TMEM170A: variants seen among roughly 807,000 people sequenced by gnomAD.
The protein encoded by TMEM170A is transmembrane protein 170A.
TMEM170A carries 18 observed loss-of-function variants against 12.8 expected under a neutral mutation model. That is an observed-to-expected ratio of 1.41 (90% CI 0.97 to 2.09). The LOEUF (loss-of-function observed/expected upper bound fraction) is 2.09, where lower values mean the gene tolerates loss of function less well. TMEM170A is among the 30% of genes most tolerant of loss of function. The pLI, the probability that TMEM170A is intolerant of heterozygous loss-of-function variation, is 0.00. For synonymous variants in TMEM170A, 107 were observed against 76.2 expected (o/e 1.40, Z -2.11); for missense variants, 220 against 179.9 (o/e 1.22, Z -1.28).
At chr16:75,458,875 A>G (rs1294902058) in intron 1 of TMEM170A, 1 of 152,150 alleles carries the variant, frequency 6.6e-6, no homozygotes, top group Non-Finnish European at 1.5e-5. Flanking sequence ...CCTTGAGGAT[A>G]TATTTTTACA....
rs1443576727 is a variant in TMEM170A, at chr16:75,445,355, G to C, written c.*2203C>G. On this transcript the variant is annotated 3_prime_UTR_variant, in exon 3 of 3. Coordinates refer to ENST00000561878, the MANE Select transcript of TMEM170A (RefSeq NM_145254.3). ...GACAGGGTCTTGCCCTGTGGCCTAA[G>C]CTGGAGTTCAGTGGCGTGGTCTCGG... 2.6e-5 allele frequency: 4 copies of C among 152,354 alleles called. No individual in the cohort carries two copies. The highest frequency in any genetic ancestry group is 2.6e-4 in the Admixed American group (4 of 15,292). The allele number at this position is 152,354 out of a possible 1,614,324, so 9.4% of individuals were successfully genotyped here. A position where few individuals can be genotyped will look rare whatever the true frequency, so the allele number is the denominator to read the frequency against.
chr16:75,454,793 C>T (rs1243690864), intron 1 of TMEM170A, among the ~76,000 whole-genome samples: 1 of 152,166 alleles, frequency 6.6e-6, no homozygotes, highest in Non-Finnish European at 1.5e-5. Flanking sequence ...ACAGGCCCCA[C>T]CTGACACTCC....
intron 1 of TMEM170A, among the ~76,000 whole-genome samples, chr16:75,454,959 T>C (rs917198527): frequency 3.3e-5 from 5 of 152,160 alleles, no homozygotes; most frequent in East Asian, 1.9e-4. Flanking sequence ...CCCAACAGCA[T>C]TGTCCATAAT....
intron 1 of TMEM170A, among the ~76,000 whole-genome samples, chr16:75,455,307 A>C (rs984628862): frequency 6.7e-6 from 1 of 148,202 alleles, no homozygotes; most frequent in Non-Finnish European, 1.5e-5. Context: ...CAGTGAGCCG[A>C]GATCACGCCA....
chr16:75,459,848 C>G, intron 1 of TMEM170A: 1 of 151,204 alleles, frequency 6.6e-6, no homozygotes, highest in Non-Finnish European at 1.5e-5. Flanking sequence ...CAGAGCGAAA[C>G]TCCATCTCAA....
chr16:75,451,324 C>A, intron 2 of TMEM170A: 3 of 363,108 alleles, frequency 8.3e-6, no homozygotes, highest in East Asian at 1.0e-4. Context: ...CCAAGGTGGG[C>A]AGATTGCTTG....
chr16:75,462,529 G>A (rs1475622460), intron 1 of TMEM170A, among the ~76,000 whole-genome samples: 1 of 152,250 alleles, frequency 6.6e-6, no homozygotes. Flanking sequence ...GTCTCTTGAT[G>A]TGATGTACTG....
chr16:75,451,536 G>T, intron 2 of TMEM170A, 133 bp downstream of exon 2: 1 of 920,508 alleles, frequency 1.1e-6, no homozygotes. Context: ...GGTGACATAG[G>T]GAGACCCTGT....
intron 1 of TMEM170A, among the ~76,000 whole-genome samples, chr16:75,453,677 T>C (rs867602472): frequency 6.6e-6 from 1 of 152,166 alleles, no homozygotes; most frequent in Non-Finnish European, 1.5e-5. Flanking sequence ...CTTTAGGATA[T>C]GAAATAAATA....
intron 2 of TMEM170A, chr16:75,451,331 C>T (rs2079677397): frequency 5.2e-6 from 2 of 382,484 alleles, no homozygotes; most frequent in South Asian, 8.0e-5. Context: ...GGGCAGATTG[C>T]TTGAGCTCAG....
At position 75,455,653 on chromosome 16, in the gene TMEM170A, A is replaced by G. The variant is rs1054588310; in HGVS notation, c.134-3814T>C. On this transcript the variant is annotated intron_variant, in intron 1 of 2. Transcript: ENST00000561878. ...CACTGTCTCTCCTAAAAATACGTAA[A>G]AATTAGCCGGGCGTGGTGGCAAATG... is the stretch of plus-strand genomic sequence containing the variant. Among the ~76,000 whole-genome samples the G allele has an allele frequency of 7.2e-5, 11 of 152,148 alleles. No homozygotes were observed. The South Asian group carries it at 1.9e-3, about 26-fold the overall frequency.
chr16:75,449,895 A>C (rs1380059060), intron 2 of TMEM170A, among the ~76,000 whole-genome samples: 1 of 152,210 alleles, frequency 6.6e-6, no homozygotes, highest in Non-Finnish European at 1.5e-5. Flanking sequence ...AGAAAGGAAA[A>C]AGTATATCCA....
At chr16:75,464,431 C>T (rs1298667084) in intron 1 of TMEM170A, 37 bp downstream of exon 1, 1 of 1,402,590 alleles carries the variant, frequency 7.1e-7, no homozygotes, top group South Asian at 1.6e-5. Flanking sequence ...GCGGCGACGG[C>T]GGGGCGCGCA....
At chr16:75,448,763 CAA>C (rs756119851) in intron 2 of TMEM170A, among the ~76,000 whole-genome samples, 2 of 137,398 alleles carry the variant, frequency 1.5e-5, no homozygotes. Flanking sequence ...GATCCTGTCT[CAA>C]AAAAAAAAAG....
At position 75,447,576 on chromosome 16, in the gene TMEM170A, C is replaced by A. The variant is rs774894220; in HGVS notation, c.417G>T (p.Arg139=). ...TFCVLVVSFL[R]ILATL Reference sequence around the variant, plus strand: ...ATGTATGCTATAGAGTAGCTAAAATCCGTAAAAAGGAGACCACCAAGACGC... The same window carrying A: ...ATGTATGCTATAGAGTAGCTAAAATACGTAAAAAGGAGACCACCAAGACGC... Residue 139 remains arginine, a synonymous_variant, in exon 3 of 3, where the codon CGG becomes CGT. Transcript: ENST00000561878. 1 of 1,611,956 alleles carries A rather than the reference C, an allele frequency of 6.2e-7. No homozygotes were observed. Among genetic ancestry groups the A allele is most frequent in the Admixed American group, 1.7e-5 (1 of 59,564 alleles).
chr16:75,463,812 G>T (rs1412775648), intron 1 of TMEM170A, among the ~76,000 whole-genome samples: 7 of 152,226 alleles, frequency 4.6e-5, no homozygotes. Flanking sequence ...CTCCTAGCAG[G>T]CCCAGCTCAA....
rs1282736997 is a variant in TMEM170A, at chr16:75,446,769, G to A, written c.*789C>T. ...CAACTCAAGCCATTTAATAGGGTATGTATGTTTCCAATTAAATGAAATAAA... is the reference window on the plus strand; with the variant it reads ...CAACTCAAGCCATTTAATAGGGTATATATGTTTCCAATTAAATGAAATAAA... On this transcript the variant is annotated 3_prime_UTR_variant, in exon 3 of 3. Transcript: ENST00000561878. The A allele has an allele frequency of 6.6e-6, 1 of 152,162 alleles. No individual in the cohort carries two copies. 9.4% of individuals were successfully genotyped at this position (152,162 alleles called of 1,614,324 possible). A position where few individuals can be genotyped will look rare whatever the true frequency, so the allele number is the denominator to read the frequency against.
intron 1 of TMEM170A, 176 bp downstream of exon 1, chr16:75,464,292 C>G (rs1488338722): frequency 6.7e-7 from 1 of 1,483,466 alleles, no homozygotes; most frequent in Non-Finnish European, 8.9e-7. Flanking sequence ...TCAGGGACCG[C>G]CGAAGAAGTG....
At chr16:75,460,428 C>T (rs2079883115) in intron 1 of TMEM170A, among the ~76,000 whole-genome samples, 1 of 152,164 alleles carries the variant, frequency 6.6e-6, no homozygotes, top group Non-Finnish European at 1.5e-5. Context: ...ACAGTCCCTC[C>T]AGGCACCCTG....
Sources: gnomAD v4.1 joint callset for allele counts (sites outside exome capture counted in the v4.1 genomes callset) on GRCh38, gnomAD v4.1.1 for gene constraint, MANE v1.5 for transcripts, NCBI Gene and HGNC (gene_info 2026-07-23, HGNC 2026-07-21) for gene names.